The following ZBTB43 variants were observed in gnomAD, a reference collection of about 807,000 sequenced individuals.
The protein encoded by ZBTB43 is zinc finger and BTB domain containing 43.
In ZBTB43, 6 loss-of-function variants were observed where a neutral mutation model predicts 31.1. The observed-to-expected ratio is 0.19, with a 90% CI of 0.11 to 0.38. The LOEUF is 0.38. Ranked by LOEUF, ZBTB43 falls within the 10% of genes least tolerant of loss-of-function variation. The pLI, the probability that ZBTB43 is intolerant of heterozygous loss-of-function variation, is 1.00. For missense variants in ZBTB43, 379 were observed against 602.1 expected (o/e 0.63, Z 3.88); for synonymous variants, 212 against 221.7 (o/e 0.96, Z 0.39).
intron 2 of ZBTB43, among the ~76,000 whole-genome samples, chr9:126,813,759 G>GT (rs1048388585): frequency 5.3e-5 from 8 of 151,908 alleles, no homozygotes; most frequent in South Asian, 2.1e-4. Context: ...GGCTTGTAGG[G>GT]TTTTTTTTGT....
intron 2 of ZBTB43, among the ~76,000 whole-genome samples, chr9:126,815,667 T>G (rs922347420): frequency 7.9e-5 from 12 of 151,670 alleles, no homozygotes; most frequent in Non-Finnish European, 1.8e-4. Context: ...TCTTTTTTTT[T>G]TTTTCAATAG....
At chr9:126,822,689 G>A (rs114358320) in intron 2 of ZBTB43, among the ~76,000 whole-genome samples, 1,744 of 152,252 alleles carry the variant, frequency 0.011, 37 homozygotes, top group African/African-American at 0.039. Context: ...GCAGTGAGCC[G>A]TGATCACATC....
At position 126,837,572 on chromosome 9, in the gene ZBTB43, A is replaced by G. The variant is rs1441086492; in HGVS notation, c.*3659A>G. ...TGGGCGTGGAGAGGGCGCCATCACA[A>G]CGAGTCCAGGTTTTTGCTTTTGGAA... On this transcript the variant is annotated 3_prime_UTR_variant, in exon 3 of 3. Coordinates refer to ENST00000373464, the MANE Select transcript of ZBTB43 (RefSeq NM_014007.4). The G allele has an allele frequency of 6.0e-6, 1 of 167,124 alleles. No homozygotes were observed. Among genetic ancestry groups the G allele is most frequent in the Non-Finnish European group, 1.5e-5 (1 of 68,168 alleles). The allele number at this position is 167,124 out of a possible 1,614,324, so 10.4% of individuals were successfully genotyped here.
intron 2 of ZBTB43, among the ~76,000 whole-genome samples, chr9:126,828,654 A>ATT (rs1554742745): frequency 0.037 from 4,657 of 127,544 alleles, 114 homozygotes; most frequent in Non-Finnish European, 0.053. Flanking sequence ...TAATAATAAT[A>ATT]ATTATTATTA....
chr9:126,828,430 G>A (rs901868851), intron 2 of ZBTB43, among the ~76,000 whole-genome samples: 18 of 151,592 alleles, frequency 1.2e-4, no homozygotes, highest in Non-Finnish European at 2.1e-4. Flanking sequence ...CAATCCACCC[G>A]CCTCGGCCTC....
intron 2 of ZBTB43, among the ~76,000 whole-genome samples, chr9:126,824,122 G>A (rs1172052036): frequency 6.6e-6 from 1 of 152,078 alleles, no homozygotes; most frequent in African/African-American, 2.4e-5. Flanking sequence ...AACCTCCTGG[G>A]TTCGAGCGAT....
At chr9:126,819,214 G>C (rs1047964443) in intron 2 of ZBTB43, among the ~76,000 whole-genome samples, 1 of 150,034 alleles carries the variant, frequency 6.7e-6, no homozygotes, top group Non-Finnish European at 1.5e-5. Context: ...AGAATGTACT[G>C]TGTGCACTTG....
rs2032813466 is a variant in ZBTB43 at position 126,833,420 on chromosome 9, A to C, written c.911A>C (p.Glu304Ala). Residue 304 changes from glutamate to alanine, a missense_variant, in exon 3 of 3, where the codon GAA (glutamate) becomes GCA (alanine). Coordinates refer to ENST00000373464, the MANE Select transcript of ZBTB43 (RefSeq NM_014007.4). This position sits in a 1 kb window ranked among gnomAD's most constrained non-coding sequence, Gnocchi z 7.9. ...GEKKVEAEFDEQADESNYDEQ... is the reference protein window; with the variant it reads ...GEKKVEAEFDAQADESNYDEQ... ...AAGAAAGTGGAAGCTGAGTTTGATGAACAGGCTGATGAAAGCAATTATGAT... is the reference window on the plus strand; with the variant it reads ...AAGAAAGTGGAAGCTGAGTTTGATGCACAGGCTGATGAAAGCAATTATGAT... The C allele has an allele frequency of 6.2e-7, 1 of 1,614,062 alleles. No individual in the cohort carries two copies. Among genetic ancestry groups the C allele is most frequent in the African/African-American group, 1.3e-5 (1 of 74,918 alleles).
At chr9:126,825,671 T>G (rs992404623) in intron 2 of ZBTB43, among the ~76,000 whole-genome samples, 4 of 152,034 alleles carry the variant, frequency 2.6e-5, no homozygotes, top group African/African-American at 9.7e-5. Flanking sequence ...ATGGACTCAT[T>G]TAGGTTAATT....
In ZBTB43 at chr9:126,834,979, A is replaced by G. The variant is rs2032850236; in HGVS notation, c.*1066A>G. 1 of 167,092 alleles carries G rather than the reference A, an allele frequency of 6.0e-6. No homozygotes were observed. The highest frequency in any genetic ancestry group is 1.5e-5 in the Non-Finnish European group (1 of 68,128). The allele number at this position is 167,092 out of a possible 1,614,324, so 10.4% of individuals were successfully genotyped here. A position where few individuals can be genotyped will look rare whatever the true frequency, so the allele number is the denominator to read the frequency against. ...TGAGAGGGCAGATAGGCAGGATTCT[A>G]TGAGTGGTTATACTTAAGGGGGACA... On this transcript the variant is annotated 3_prime_UTR_variant, in exon 3 of 3. Transcript: ENST00000373464.
chr9:126,809,998 C>G (rs926101711), intron 2 of ZBTB43, among the ~76,000 whole-genome samples: 1 of 151,824 alleles, frequency 6.6e-6, no homozygotes, highest in Non-Finnish European at 1.5e-5. Context: ...CCACACCCGG[C>G]TAATTTTTTT....
chr9:126,810,941 C>G (rs1459904911), intron 2 of ZBTB43, among the ~76,000 whole-genome samples: 1 of 151,868 alleles, frequency 6.6e-6, no homozygotes, highest in African/African-American at 2.4e-5. Flanking sequence ...ATATTCACAG[C>G]CAGGCACGAT....
chr9:126,814,357 G>GATGAAATTTACAAAGTAAATTTACA, intron 2 of ZBTB43, among the ~76,000 whole-genome samples: 1 of 117,884 alleles, frequency 8.5e-6, no homozygotes, highest in Non-Finnish European at 1.8e-5. Context: ...AAATTTTACA[G>GATGAAATTTACAAAGTAAATTTACA]ATGAAATTTA....
At chr9:126,808,287 C>T (rs754548288) in intron 1 of ZBTB43, among the ~76,000 whole-genome samples, 40 of 152,162 alleles carry the variant, frequency 2.6e-4, no homozygotes, top group Admixed American at 5.2e-4. Context: ...AACATTCAGC[C>T]GTGGCTTAAA....
intron 2 of ZBTB43, among the ~76,000 whole-genome samples, chr9:126,810,164 T>G (rs1303271419): frequency 6.6e-6 from 1 of 151,356 alleles, no homozygotes; most frequent in African/African-American, 2.4e-5. Context: ...ATTAAGGTTT[T>G]TGTTTGTTTG....
Position 126,835,047 on chromosome 9 carries a change from G to C in ZBTB43, c.*1134G>C, listed in dbSNP as rs571479312. ...TCTTGAGAATACACTCTTTCAAGGT[G>C]GGGGAGATACTCTTTAGAGGGTACA... On this transcript the variant is annotated 3_prime_UTR_variant, in exon 3 of 3. Transcript: ENST00000373464. 1 of 167,120 alleles carries C rather than the reference G, an allele frequency of 6.0e-6. No homozygotes were observed. The highest frequency in any genetic ancestry group is 2.1e-4 in the South Asian group (1 of 4,820). The allele number at this position is 167,120 out of a possible 1,614,324, so 10.4% of individuals were successfully genotyped here. A position where few individuals can be genotyped will look rare whatever the true frequency, so the allele number is the denominator to read the frequency against.
At chr9:126,820,609 A>G (rs1435602929) in intron 2 of ZBTB43, among the ~76,000 whole-genome samples, 1 of 152,208 alleles carries the variant, frequency 6.6e-6, no homozygotes, top group East Asian at 1.9e-4. Flanking sequence ...GCCTGTTAAT[A>G]CAACATCCAT....
intron 2 of ZBTB43, among the ~76,000 whole-genome samples, chr9:126,826,150 A>AT (rs1174909045): frequency 6.6e-6 from 1 of 151,160 alleles, no homozygotes; most frequent in Non-Finnish European, 1.5e-5. Context: ...AGTAGCTGGT[A>AT]TTACAGGCGC....
At chr9:126,827,398 A>G (rs1351342757) in intron 2 of ZBTB43, among the ~76,000 whole-genome samples, 1 of 152,190 alleles carries the variant, frequency 6.6e-6, no homozygotes, top group Non-Finnish European at 1.5e-5. Flanking sequence ...CTCCTCTTGT[A>G]TGAGCCAGCT....
Sources: gnomAD v4.1 joint callset for allele counts (sites outside exome capture counted in the v4.1 genomes callset) on GRCh38, gnomAD v4.1.1 for gene constraint, Gnocchi (gnomAD v3.1) non-coding constraint, MANE v1.5 for transcripts, NCBI Gene and HGNC (gene_info 2026-07-23, HGNC 2026-07-21) for gene names.